The following OR9Q1 variants were observed in gnomAD, a reference collection of about 807,000 sequenced individuals.
OR9Q1 encodes the protein olfactory receptor family 9 subfamily Q member 1, also known as olfactory receptor 9Q1.
For missense variants in OR9Q1, 374 were observed against 378.8 expected, an observed-to-expected ratio of 0.99 and a Z score of 0.11; for synonymous variants, 153 against 148.6, an observed-to-expected ratio of 1.03 and a Z score of -0.22.
intron 1 of OR9Q1, among the ~76,000 whole-genome samples, chr11:58,053,253 G>A (rs28879723): frequency 0.21 from 32,090 of 151,196 alleles, 3,654 homozygotes; most frequent in Middle Eastern, 0.37. Context: ...ATTCACCGTG[G>A]AATACTATGT....
intron 1 of OR9Q1, among the ~76,000 whole-genome samples, chr11:58,039,792 T>C (rs950899681): frequency 1.3e-5 from 2 of 152,236 alleles, no homozygotes; most frequent in Admixed American, 1.3e-4. Flanking sequence ...GTTTAGCCTC[T>C]CTGAAGGTCC....
chr11:58,100,684 C>G (rs925583811), intron 2 of OR9Q1, among the ~76,000 whole-genome samples: 1 of 151,314 alleles, frequency 6.6e-6, no homozygotes, highest in African/African-American at 2.4e-5. Context: ...CTATTTCTTT[C>G]AGCTTCAATT....
At chr11:58,148,364 C>A (rs1241017140) in intron 2 of OR9Q1, among the ~76,000 whole-genome samples, 1 of 152,058 alleles carries the variant, frequency 6.6e-6, no homozygotes, top group Admixed American at 6.6e-5. Context: ...CTGAGGGAGC[C>A]ACAGTGCTTC....
intron 2 of OR9Q1, among the ~76,000 whole-genome samples, chr11:58,105,954 T>C (rs1853835511): frequency 6.6e-6 from 1 of 152,140 alleles, no homozygotes; most frequent in Admixed American, 6.6e-5. Flanking sequence ...TTCGAGATCC[T>C]AATTTAAACT....
chr11:58,073,905 T>A (rs1853514041), intron 2 of OR9Q1, among the ~76,000 whole-genome samples: 1 of 152,198 alleles, frequency 6.6e-6, no homozygotes, highest in African/African-American at 2.4e-5. Context: ...ATGCAGTGTT[T>A]GGTTTTCTAT....
At chr11:58,128,254 T>TA (rs56238213) in intron 2 of OR9Q1, among the ~76,000 whole-genome samples, 55,775 of 126,092 alleles carry the variant, frequency 0.44, 11,421 homozygotes, top group Middle Eastern at 0.51. Flanking sequence ...CAAGAAAAAC[T>TA]AAAAAAAAAA....
intron 1 of OR9Q1, among the ~76,000 whole-genome samples, chr11:58,050,194 A>T (rs1207910111): frequency 9.4e-6 from 1 of 106,670 alleles, no homozygotes; most frequent in African/African-American, 3.6e-5. Context: ...CTGACTTCAA[A>T]CTATACTACA....
intron 1 of OR9Q1, among the ~76,000 whole-genome samples, chr11:58,047,823 G>A (rs2119957859): frequency 6.6e-6 from 1 of 152,288 alleles, no homozygotes; most frequent in Middle Eastern, 3.4e-3. Context: ...GGCGGAGGTT[G>A]CGGTGAGCCA....
intron 1 of OR9Q1, among the ~76,000 whole-genome samples, chr11:58,053,341 C>T (rs889480687): frequency 4.7e-5 from 7 of 149,694 alleles, no homozygotes; most frequent in Non-Finnish European, 7.4e-5. Context: ...AGTAAACTAT[C>T]GCAAGGACAA....
intron 2 of OR9Q1, among the ~76,000 whole-genome samples, chr11:58,138,744 C>A (rs1854212892): frequency 6.6e-6 from 1 of 152,208 alleles, no homozygotes; most frequent in Non-Finnish European, 1.5e-5. Flanking sequence ...AGCTAATTAA[C>A]ATATCTATCA....
chr11:58,179,826 C>T lies in OR9Q1; in HGVS notation c.382C>T (p.Gln128Ter). Residue 128 changes from glutamine (Q) to a stop codon, truncating the protein, a stop_gained, in exon 3 of 3, where the codon CAG (glutamine) becomes TAG (stop). Coordinates refer to ENST00000335397, the MANE Select transcript of OR9Q1 (RefSeq NM_001005212.4). LOFTEE classifies it low-confidence loss of function (END_TRUNC). ...MAYDRYLAVC[Q>*]PLLYVTILTQ... ...CTATGACCGCTACTTGGCTGTGTGCCAGCCCCTGCTTTATGTCACCATCCT... is the reference window on the plus strand; with the variant it reads ...CTATGACCGCTACTTGGCTGTGTGCTAGCCCCTGCTTTATGTCACCATCCT... The T allele has an allele frequency of 1.2e-6, 2 of 1,614,170 alleles. No individual in the cohort carries two copies. The highest frequency in any genetic ancestry group is 2.7e-5 in the African/African-American group (2 of 75,054).
At chr11:58,062,670 C>T (rs1389714506) in intron 2 of OR9Q1, among the ~76,000 whole-genome samples, 1 of 152,132 alleles carries the variant, frequency 6.6e-6, no homozygotes, top group Non-Finnish European at 1.5e-5. Flanking sequence ...AGCCTGCAGG[C>T]ATGGGGATTG....
At chr11:58,133,780 T>A (rs1006252097) in intron 2 of OR9Q1, among the ~76,000 whole-genome samples, 1 of 152,230 alleles carries the variant, frequency 6.6e-6, no homozygotes, top group East Asian at 1.9e-4. Flanking sequence ...TGATTCAGCA[T>A]GACGCCATTG....
At chr11:58,141,130 T>C (rs1417383153) in intron 2 of OR9Q1, among the ~76,000 whole-genome samples, 1 of 152,182 alleles carries the variant, frequency 6.6e-6, no homozygotes, top group Middle Eastern at 3.2e-3. Context: ...TTTTTGCACA[T>C]TGTTTTCTAG....
At chr11:58,116,314 A>G (rs1315818083) in intron 2 of OR9Q1, among the ~76,000 whole-genome samples, 1 of 152,206 alleles carries the variant, frequency 6.6e-6, no homozygotes, top group Non-Finnish European at 1.5e-5. Context: ...TGCTTCATGA[A>G]CATTCTGTAC....
At chr11:58,034,769 T>TCCTTCCTTCCTTC (rs58499677) in intron 1 of OR9Q1, among the ~76,000 whole-genome samples, 17 of 19,620 alleles carry the variant, frequency 8.7e-4, no homozygotes, top group East Asian at 5.4e-3. Context: ...CTTCCTTCCT[T>TCCTTCCTTCCTTC]CTTCCTTCCC....
At chr11:58,086,426 C>T (rs535388197) in intron 2 of OR9Q1, among the ~76,000 whole-genome samples, 1 of 151,768 alleles carries the variant, frequency 6.6e-6, no homozygotes, top group South Asian at 2.1e-4. Flanking sequence ...ATGAATACAG[C>T]CATTATGGAA....
At chr11:58,122,017 A>C (rs1041597861) in intron 2 of OR9Q1, among the ~76,000 whole-genome samples, 1 of 152,066 alleles carries the variant, frequency 6.6e-6, no homozygotes, top group East Asian at 1.9e-4. Context: ...CTTCCATGGG[A>C]TCCCTTTTTT....
intron 2 of OR9Q1, among the ~76,000 whole-genome samples, chr11:58,103,611 G>T (rs1163894736): frequency 6.6e-6 from 1 of 151,886 alleles, no homozygotes; most frequent in East Asian, 1.9e-4. Context: ...GATCTGCTAA[G>T]GGAAAATTAT....
Sources: allele counts gnomAD v4.1 joint callset (sites outside exome capture counted in the v4.1 genomes callset), GRCh38; gene constraint gnomAD v4.1.1; transcripts MANE v1.5; gene names NCBI Gene and HGNC (gene_info 2026-07-23, HGNC 2026-07-21).